The following ZMYM4 variants were observed in gnomAD, a reference collection of about 807,000 sequenced individuals.
ZMYM4 encodes the protein zinc finger MYM-type containing 4.
ZMYM4 carries 31 observed loss-of-function variants against 183.2 expected under a neutral mutation model. That is an observed-to-expected ratio of 0.17 (90% confidence interval 0.13 to 0.23). ZMYM4 has a LOEUF of 0.23. Ranked by LOEUF, ZMYM4 falls within the 10% of genes least tolerant of loss-of-function variation. ZMYM4 has a pLI of 1.00. For missense variants in ZMYM4, 1,273 were observed against 1,840.3 expected (o/e 0.69, Z 5.64); for synonymous variants, 592 against 631.2 (o/e 0.94, Z 0.93).
intron 1 of ZMYM4, among the ~76,000 whole-genome samples, chr1:35,302,131 G>A (rs1641306265): frequency 6.7e-6 from 1 of 150,232 alleles, no homozygotes; most frequent in East Asian, 2.0e-4. Context: ...TCAACAAGCT[G>A]TAGCTCACAG....
chr1:35,376,496 C>T (rs867279880), intron 7 of ZMYM4, among the ~76,000 whole-genome samples: 7 of 152,148 alleles, frequency 4.6e-5, no homozygotes, highest in African/African-American at 7.2e-5. Context: ...TTTTATGGCA[C>T]GTTATTCGTG....
At chr1:35,348,277 T>G (rs1003428175) in intron 2 of ZMYM4, among the ~76,000 whole-genome samples, 5 of 152,224 alleles carry the variant, frequency 3.3e-5, no homozygotes, top group Admixed American at 1.3e-4. Flanking sequence ...AAAATCAGAT[T>G]GATCTAAATA....
chr1:35,312,048 TG>T (rs1237183553), intron 1 of ZMYM4, among the ~76,000 whole-genome samples: 1 of 152,086 alleles, frequency 6.6e-6, no homozygotes, highest in Admixed American at 6.6e-5. Context: ...CACCATACCC[TG>T]CCTGTTTTTC....
At chr1:35,414,223 T>C (rs971632767) in intron 27 of ZMYM4, 140 bp downstream of exon 27, 3 of 603,324 alleles carry the variant, frequency 5.0e-6, no homozygotes. Flanking sequence ...AGACGGTCTT[T>C]GGTTTATTGT....
chr1:35,283,426 C>T (rs1346275246), intron 1 of ZMYM4, among the ~76,000 whole-genome samples: 3 of 147,724 alleles, frequency 2.0e-5, no homozygotes, highest in Non-Finnish European at 3.0e-5. Flanking sequence ...CAAGCTCCAC[C>T]TCCTGGGTTC....
In ZMYM4 at chr1:35,327,283, A is replaced by G. The variant is rs572729365; in HGVS notation, c.85+1878A>G. On this transcript the variant is annotated intron_variant, in intron 2 of 29. Coordinates refer to ENST00000314607, the MANE Select transcript of ZMYM4 (RefSeq NM_005095.3). Reference sequence around the variant, plus strand: ...TGTAATTTATTTTCAATTTTGCATTATTATTAAGAACATTGAATATGTATT... The same window carrying G: ...TGTAATTTATTTTCAATTTTGCATTGTTATTAAGAACATTGAATATGTATT... 7.2e-5 allele frequency among the ~76,000 whole-genome samples: 11 copies of G among 152,334 alleles called. No individual in the cohort carries two copies. The East Asian group carries it at 1.9e-3, about 27-fold the overall frequency.
intron 1 of ZMYM4, among the ~76,000 whole-genome samples, chr1:35,307,343 A>G (rs781696496): frequency 1.3e-5 from 2 of 152,052 alleles, no homozygotes; most frequent in Admixed American, 6.6e-5. Flanking sequence ...TCAGGGTATG[A>G]ATGCAGTGCA....
intron 1 of ZMYM4, among the ~76,000 whole-genome samples, chr1:35,314,266 T>G (rs1641935468): frequency 6.6e-6 from 1 of 152,040 alleles, no homozygotes; most frequent in Non-Finnish European, 1.5e-5. Flanking sequence ...TATTTTTCTT[T>G]TCCCTCAAAA....
intron 2 of ZMYM4, among the ~76,000 whole-genome samples, chr1:35,335,985 G>A (rs1010920377): frequency 1.3e-5 from 2 of 152,110 alleles, no homozygotes; most frequent in African/African-American, 2.4e-5. Flanking sequence ...ATTTTTAAGT[G>A]TGCAGTTCAG....
intron 7 of ZMYM4, among the ~76,000 whole-genome samples, chr1:35,371,856 T>G (rs1338282465): frequency 6.6e-6 from 1 of 152,206 alleles, no homozygotes; most frequent in Non-Finnish European, 1.5e-5. Flanking sequence ...CAGGGTAAAT[T>G]TTGGTTATAT....
At chr1:35,366,788 C>T (rs1001180245) in intron 5 of ZMYM4, among the ~76,000 whole-genome samples, 4 of 151,868 alleles carry the variant, frequency 2.6e-5, no homozygotes, top group African/African-American at 4.8e-5. Flanking sequence ...AAGCGGGGGG[C>T]GAATCACTTG....
At chr1:35,312,852 C>T (rs1641865019) in intron 1 of ZMYM4, among the ~76,000 whole-genome samples, 1 of 152,048 alleles carries the variant, frequency 6.6e-6, no homozygotes, top group Admixed American at 6.6e-5. Flanking sequence ...TTCCAAGTAG[C>T]TGGGACAGGT....
At chr1:35,367,495 A>G (rs1644114187) in intron 5 of ZMYM4, among the ~76,000 whole-genome samples, 2 of 152,018 alleles carry the variant, frequency 1.3e-5, no homozygotes, top group East Asian at 1.9e-4. Flanking sequence ...TCCCAAGGTG[A>G]TTGGATTACA....
intron 1 of ZMYM4, among the ~76,000 whole-genome samples, chr1:35,309,540 G>A (rs912860579): frequency 5.9e-5 from 9 of 152,164 alleles, no homozygotes; most frequent in Non-Finnish European, 1.0e-4. Context: ...TGAAAGGGGA[G>A]ATTACACATA....
intron 2 of ZMYM4, among the ~76,000 whole-genome samples, chr1:35,343,863 CA>C (rs548237524): frequency 8.9e-4 from 108 of 121,198 alleles, no homozygotes; most frequent in Admixed American, 1.2e-3. Flanking sequence ...GACTCTGTCT[CA>C]AAAAAAAAAA....
At chr1:35,379,962 CAG>C (rs1644417811) in intron 7 of ZMYM4, among the ~76,000 whole-genome samples, 1 of 152,134 alleles carries the variant, frequency 6.6e-6, no homozygotes, top group Admixed American at 6.5e-5. Flanking sequence ...CATAGAAAAA[CAG>C]ATATTATAGT....
chr1:35,315,153 T>C (rs867924494), intron 1 of ZMYM4, among the ~76,000 whole-genome samples: 1 of 151,920 alleles, frequency 6.6e-6, no homozygotes, highest in African/African-American at 2.4e-5. Flanking sequence ...TCGACTATTT[T>C]ATGTTTATCA....
intron 27 of ZMYM4, among the ~76,000 whole-genome samples, chr1:35,414,552 A>G (rs528342141): frequency 6.6e-6 from 1 of 152,338 alleles, no homozygotes; most frequent in East Asian, 1.9e-4. Context: ...TTAGTAATAT[A>G]TGCACCTTTC....
chr1:35,388,261 A>G (rs1210833563), intron 13 of ZMYM4, among the ~76,000 whole-genome samples: 1 of 152,118 alleles, frequency 6.6e-6, no homozygotes, highest in Non-Finnish European at 1.5e-5. Context: ...CTGGAATGCC[A>G]TGGAGCGATC....
Sources: gnomAD v4.1 joint callset for allele counts (sites outside exome capture counted in the v4.1 genomes callset) on GRCh38, gnomAD v4.1.1 for gene constraint, MANE v1.5 for transcripts, NCBI Gene and HGNC (gene_info 2026-07-23, HGNC 2026-07-21) for gene names.